Variants in PDE11A observed in about 807,000 individuals in gnomAD.
PDE11A encodes the protein dual 3',5'-cyclic-AMP and -GMP phosphodiesterase 11A.
PDE11A carries 100 observed loss-of-function variants against 100.5 expected under a neutral mutation model. The observed-to-expected ratio is 1.00, with a 90% CI of 0.85 to 1.18. The LOEUF (loss-of-function observed/expected upper bound fraction) is 1.18. Among genes scored for constraint, PDE11A ranks in the 50% most tolerant of loss-of-function variants. The probability of loss-of-function intolerance (pLI) is 0.00; values close to 1 mark genes in which losing one functional copy is unlikely to be tolerated. For synonymous variants in PDE11A, 381 were observed against 420.8 expected (o/e 0.91, Z 1.16); for missense variants, 1,141 against 1,152.6 (o/e 0.99, Z 0.15).
chr2:177,736,523 A>G (rs536514395), intron 10 of PDE11A, among the ~76,000 whole-genome samples: 422 of 151,816 alleles, frequency 2.8e-3, no homozygotes, highest in Non-Finnish European at 5.2e-3. Flanking sequence ...AAGAAAAAAA[A>G]AAGAAAAAAA....
chr2:177,788,061 T>A (rs4487117), intron 9 of PDE11A, among the ~76,000 whole-genome samples: 1 of 151,016 alleles, frequency 6.6e-6, no homozygotes. Context: ...ACAGAACTCT[T>A]CACCCCAAAT....
chr2:178,082,282 CAAT>C (rs1353521264), intron 2 of PDE11A, among the ~76,000 whole-genome samples: 1 of 152,184 alleles, frequency 6.6e-6, no homozygotes, highest in Non-Finnish European at 1.5e-5. Flanking sequence ...AGTAAACTCT[CAAT>C]AAATGTTAGC....
intron 1 of PDE11A, among the ~76,000 whole-genome samples, chr2:178,065,752 A>G (rs2087034819): frequency 6.6e-6 from 1 of 152,308 alleles, no homozygotes; most frequent in African/African-American, 2.4e-5. Flanking sequence ...GACAAATCTC[A>G]GCAACTCAAT....
chr2:177,977,731 C>T (rs2085828403), intron 2 of PDE11A, among the ~76,000 whole-genome samples: 1 of 145,238 alleles, frequency 6.9e-6, no homozygotes, highest in South Asian at 2.3e-4. Flanking sequence ...GTACTGGTAC[C>T]AAAACAGAGA....
intron 2 of PDE11A, among the ~76,000 whole-genome samples, chr2:177,923,369 C>CA (rs5836634): frequency 8.8e-5 from 13 of 147,886 alleles, no homozygotes; most frequent in Middle Eastern, 3.5e-3. Flanking sequence ...TCTCCCCCAG[C>CA]AAAAAAAAAA....
At chr2:177,921,699 G>A (rs866317306) in intron 2 of PDE11A, 4 of 151,998 alleles carry the variant, frequency 2.6e-5, no homozygotes, top group Admixed American at 1.3e-4. Flanking sequence ...ACATACTATA[G>A]ACCACCTTCA....
chr2:177,649,939 G>C (rs183298646), intron 19 of PDE11A, among the ~76,000 whole-genome samples: 1 of 152,166 alleles, frequency 6.6e-6, no homozygotes, highest in African/African-American at 2.4e-5. Flanking sequence ...TAAATCACCT[G>C]ATTGGTTAAT....
intron 2 of PDE11A, among the ~76,000 whole-genome samples, chr2:177,981,561 C>T (rs1216783262): frequency 6.6e-6 from 1 of 150,590 alleles, no homozygotes; most frequent in Admixed American, 6.6e-5. Flanking sequence ...TTTTAAAGGA[C>T]ACCAGTCATA....
chr2:177,972,197 T>A (rs1485960203), intron 2 of PDE11A, among the ~76,000 whole-genome samples: 2 of 152,176 alleles, frequency 1.3e-5, no homozygotes, highest in Non-Finnish European at 2.9e-5. Context: ...GTAGACCATT[T>A]GTAGAAGAGG....
At chr2:177,657,795 A>G (rs994494064) in intron 19 of PDE11A, among the ~76,000 whole-genome samples, 6 of 152,350 alleles carry the variant, frequency 3.9e-5, no homozygotes, top group African/African-American at 1.4e-4. Context: ...TCAGGAAAAT[A>G]ATAGAATCTT....
At chr2:177,916,055 T>G (rs749796096) in intron 2 of PDE11A, among the ~76,000 whole-genome samples, 30 of 152,222 alleles carry the variant, frequency 2.0e-4, no homozygotes, top group Non-Finnish European at 3.7e-4. Flanking sequence ...CCTTTAACAC[T>G]TGATCACCAG....
intron 5 of PDE11A, among the ~76,000 whole-genome samples, chr2:177,875,539 G>A (rs185278666): frequency 0.012 from 1,841 of 151,272 alleles, 34 homozygotes; most frequent in African/African-American, 0.041. Flanking sequence ...CACCATGCCC[G>A]GCTAATTTTT....
At chr2:178,018,881 A>AAACT (rs2086373303) in intron 1 of PDE11A, among the ~76,000 whole-genome samples, 1 of 152,140 alleles carries the variant, frequency 6.6e-6, no homozygotes, top group Non-Finnish European at 1.5e-5. Context: ...GTTTGAGAGG[A>AAACT]TTTGTATTCA....
intron 1 of PDE11A, among the ~76,000 whole-genome samples, chr2:178,037,942 G>A (rs965535058): frequency 2.0e-5 from 3 of 152,032 alleles, no homozygotes; most frequent in Non-Finnish European, 4.4e-5. Context: ...AAAGCTAGAT[G>A]ACGGGTTGAT....
intron 12 of PDE11A, among the ~76,000 whole-genome samples, chr2:177,712,090 C>T (rs1007919240): frequency 6.6e-5 from 10 of 152,202 alleles, no homozygotes; most frequent in Non-Finnish European, 1.5e-4. Flanking sequence ...CAGCAGCCCA[C>T]GCTGCCACAC....
intron 12 of PDE11A, among the ~76,000 whole-genome samples, chr2:177,714,668 C>T (rs1478334285): frequency 6.6e-6 from 1 of 152,208 alleles, no homozygotes; most frequent in East Asian, 1.9e-4. Flanking sequence ...ATATTACCAT[C>T]CTATAAATAT....
intron 4 of PDE11A, among the ~76,000 whole-genome samples, chr2:177,877,355 G>A (rs2084258082): frequency 8.1e-6 from 1 of 123,214 alleles, no homozygotes; most frequent in Admixed American, 7.3e-5. Flanking sequence ...AGTAGAGACA[G>A]GGTTTCACCA....
chr2:178,014,596 G>A (rs1177805120), intron 1 of PDE11A, 136 bp from the exon 2 acceptor site: 18 of 704,180 alleles, frequency 2.6e-5, no homozygotes, highest in Non-Finnish European at 3.5e-5. Context: ...TAACAGATTT[G>A]ACTTCATTTT....
intron 6 of PDE11A, among the ~76,000 whole-genome samples, chr2:177,825,972 A>G (rs1419554595): frequency 6.6e-6 from 1 of 152,226 alleles, no homozygotes; most frequent in Non-Finnish European, 1.5e-5. Flanking sequence ...TACAAATACA[A>G]ATATTGCTAA....
Sources: gnomAD v4.1 joint callset for allele counts (sites outside exome capture counted in the v4.1 genomes callset) on GRCh38, gnomAD v4.1.1 for gene constraint, MANE v1.5 for transcripts, NCBI Gene and HGNC (gene_info 2026-07-23, HGNC 2026-07-21) for gene names.